Variants in MOXD1 observed in about 807,000 individuals in gnomAD.
The protein encoded by MOXD1 is DBH-like monooxygenase protein 1.
In MOXD1, 62 loss-of-function variants were observed where a neutral mutation model predicts 66.6. That is an observed-to-expected ratio of 0.93 (90% CI 0.76 to 1.15). The LOEUF (loss-of-function observed/expected upper bound fraction) is 1.15. Ranked by LOEUF, MOXD1 falls within the 50% of genes most tolerant of loss-of-function variation. The pLI, the probability that MOXD1 is intolerant of heterozygous loss-of-function variation, is 0.00. For missense variants in MOXD1, 847 were observed against 754.6 expected (o/e 1.12, Z -1.44); for synonymous variants, 303 against 281.9 (o/e 1.07, Z -0.75).
At position 132,322,716 on chromosome 6, in the gene MOXD1, T is replaced by C. The variant is rs1775101614; in HGVS notation, c.1268A>G (p.Glu423Gly). 1.2e-6 allele frequency: 2 copies of C among 1,614,000 alleles called. No individual in the cohort carries two copies. The highest frequency in any genetic ancestry group is 1.7e-6 in the Non-Finnish European group (2 of 1,179,952). The change falls in exon 8 of 12, where the codon GAG becomes GGG. Residue 423 changes from glutamate (E) to glycine (G), a missense_variant. By Grantham distance (98) the Glu-to-Gly change is moderately conservative. Transcript: ENST00000367963. ...TTGTTCTTCCTTTAGATACTGAAAC[T>C]CCTGGAAATTGAAGTCAAAATCATC... is the stretch of plus-strand genomic sequence containing the variant. ...YDDDFDFNFQ[E>G]FQYLKEEQTI... is the part of the protein sequence containing the mutation.
chr6:132,382,545 T>C lies in MOXD1; in HGVS notation c.265-7768A>G, dbSNP rs560169535. 5.9e-5 allele frequency among the ~76,000 whole-genome samples: 9 copies of C among 152,304 alleles called. No individual in the cohort carries two copies. The South Asian group carries it at 1.9e-3, about 32-fold the overall frequency. ...TGTATTTAGCTTGTTTATACATTTT[T>C]AGATAAAAATTACTTGTTACACCTG... On this transcript the variant is annotated intron_variant, in intron 1 of 11. Transcript: ENST00000367963.
intron 4 of MOXD1, among the ~76,000 whole-genome samples, chr6:132,346,484 T>C (rs1582585604): frequency 6.6e-6 from 1 of 152,174 alleles, no homozygotes; most frequent in African/African-American, 2.4e-5. Context: ...CTGAGCATAG[T>C]CTAAAGGCTA....
At chr6:132,397,634 GACAGAAAGAAAGAAAGAA>G (rs1368620788) in intron 1 of MOXD1, among the ~76,000 whole-genome samples, 337 of 115,730 alleles carry the variant, frequency 2.9e-3, no homozygotes, top group Non-Finnish European at 4.5e-3. Flanking sequence ...GAGAGAGAGA[GACAGAAAGAAAGAAAGAA>G]AGAAAGAAAG....
chr6:132,320,554 A>T, intron 9 of MOXD1, 75 bp downstream of exon 9: 1 of 1,272,838 alleles, frequency 7.9e-7, no homozygotes, highest in Non-Finnish European at 1.1e-6. Flanking sequence ...AATGGTTTTT[A>T]CCTTTTTCTT....
intron 4 of MOXD1, among the ~76,000 whole-genome samples, chr6:132,349,860 T>G (rs964320246): frequency 6.6e-6 from 1 of 152,198 alleles, no homozygotes; most frequent in African/African-American, 2.4e-5. Context: ...GATTTGCACT[T>G]CCCTGATCAT....
chr6:132,354,300 C>G (rs548811481), intron 4 of MOXD1, among the ~76,000 whole-genome samples: 1 of 152,306 alleles, frequency 6.6e-6, no homozygotes, highest in East Asian at 1.9e-4. Context: ...GAGGAAAAGT[C>G]TACGGGTGAA....
Position 132,392,367 on chromosome 6 carries a change from G to T in MOXD1, c.264+8796C>A, listed in dbSNP as rs911239354. 8.5e-6 allele frequency: 13 copies of T among 1,523,090 alleles called. No homozygotes were observed. The African/African-American group carries it at 1.7e-4, about 20-fold the overall frequency. The allele number at this position is 1,523,090 out of a possible 1,614,324, so 94.3% of individuals were successfully genotyped here. A position where few individuals can be genotyped will look rare whatever the true frequency, so the allele number is the denominator to read the frequency against. Reference sequence around the variant, plus strand: ...CGATTTATACCCCCATAAGAAGGGTGAATCAATTTTCATGCAAATTCAACA... The same window carrying T: ...CGATTTATACCCCCATAAGAAGGGTTAATCAATTTTCATGCAAATTCAACA... On this transcript the variant is annotated intron_variant, in intron 1 of 11. Coordinates refer to ENST00000367963, the MANE Select transcript of MOXD1 (RefSeq NM_015529.4).
intron 4 of MOXD1, among the ~76,000 whole-genome samples, chr6:132,353,117 G>A (rs1415993898): frequency 6.6e-6 from 1 of 152,176 alleles, no homozygotes; most frequent in Non-Finnish European, 1.5e-5. Context: ...CTTTTAAGTG[G>A]AGCACTTAGG....
intron 9 of MOXD1, 50 bp from the exon 10 acceptor site, chr6:132,315,827 C>T (rs184824017): frequency 8.3e-6 from 13 of 1,561,086 alleles, no homozygotes; most frequent in Non-Finnish European, 1.1e-5. Flanking sequence ...CCAACTTTGA[C>T]ATTTAAAGCA....
chr6:132,395,193 C>T (rs552398307), intron 1 of MOXD1, among the ~76,000 whole-genome samples: 1 of 152,118 alleles, frequency 6.6e-6, no homozygotes, highest in East Asian at 1.9e-4. Flanking sequence ...GGATACCATA[C>T]CCAGAAAAGT....
At chr6:132,331,618 T>C (rs952527537) in intron 4 of MOXD1, among the ~76,000 whole-genome samples, 1 of 152,188 alleles carries the variant, frequency 6.6e-6, no homozygotes, top group Non-Finnish European at 1.5e-5. Flanking sequence ...TAGCCACATA[T>C]GAATCATTCT....
intron 7 of MOXD1, 128 bp downstream of exon 7, chr6:132,323,803 G>A (rs1775129116): frequency 6.8e-6 from 7 of 1,024,456 alleles, no homozygotes; most frequent in East Asian, 2.8e-5. Context: ...CTAAAATTGC[G>A]ATAAGGGTTT....
Position 132,372,827 on chromosome 6 carries a change from T to TA in MOXD1, c.579+2dup. ...TACAATCATAAAACCTGAAAACACT[T>TA]ACGTCCTGATTTACCAGATCAAAGT... On this transcript the variant is annotated splice_region_variant and intron_variant, in intron 3 of 11. Transcript: ENST00000367963. 1.2e-6 allele frequency: 2 copies of TA among 1,613,622 alleles called. No homozygotes were observed. Among genetic ancestry groups the TA allele is most frequent in the Non-Finnish European group, 8.5e-7 (1 of 1,179,652 alleles).
intron 10 of MOXD1, among the ~76,000 whole-genome samples, chr6:132,298,963 A>G (rs1233084200): frequency 6.6e-6 from 1 of 152,150 alleles, no homozygotes; most frequent in Non-Finnish European, 1.5e-5. Context: ...CAAAAAGACC[A>G]CATGCATTTG....
chr6:132,310,853 G>C (rs558331157), intron 10 of MOXD1, among the ~76,000 whole-genome samples: 1 of 152,244 alleles, frequency 6.6e-6, no homozygotes, highest in East Asian at 1.9e-4. Flanking sequence ...TTGGGGGATG[G>C]GGGGTGAAGG....
chr6:132,390,017 G>A (rs1478768409), intron 1 of MOXD1, among the ~76,000 whole-genome samples: 1 of 151,316 alleles, frequency 6.6e-6, no homozygotes, highest in African/African-American at 2.4e-5. Flanking sequence ...TATTGAAGAT[G>A]AGAAAGAATA....
chr6:132,296,981 G>A lies in MOXD1; in HGVS notation c.*172C>T. ...CATCAGATATTTCTAAGAAAGAGAA[G>A]AGAACCTGATTGATGTCTCTCATGT... On this transcript the variant is annotated 3_prime_UTR_variant, in exon 12 of 12. Coordinates refer to ENST00000367963, the MANE Select transcript of MOXD1 (RefSeq NM_015529.4). 1 of 556,384 alleles carries A rather than the reference G, an allele frequency of 1.8e-6. No homozygotes were observed. The highest frequency in any genetic ancestry group is 2.8e-5 in the East Asian group (1 of 35,092). 34.5% of individuals were successfully genotyped at this position (556,384 alleles called of 1,614,324 possible).
chr6:132,349,378 C>CGTGTATATATATATACACATATATATAT (rs1775736859), intron 4 of MOXD1, among the ~76,000 whole-genome samples: 1 of 64,636 alleles, frequency 1.5e-5, no homozygotes, highest in Admixed American at 1.6e-4. Flanking sequence ...TATATATATA[C>CGTGTATATATATATACACATATATATAT]ATGTATATAT....
rs185829129 is a variant in MOXD1 at position 132,339,835 on chromosome 6, G to A, written c.664-11241C>T. Reference sequence around the variant, plus strand: ...AGCCTAAGGATGAAGATAATACAATGTTAAGGGCAAGCTCAAAATGAAGCT... The same window carrying A: ...AGCCTAAGGATGAAGATAATACAATATTAAGGGCAAGCTCAAAATGAAGCT... On this transcript the variant is annotated intron_variant, in intron 4 of 11. Coordinates refer to ENST00000367963, the MANE Select transcript of MOXD1 (RefSeq NM_015529.4). Among the ~76,000 whole-genome samples, 581 of 148,846 alleles carry A rather than the reference G, an allele frequency of 3.9e-3. 3 individuals are homozygous for A. Among genetic ancestry groups the A allele is most frequent in the Middle Eastern group, 0.028 (8 of 282 alleles).
Sources: allele counts gnomAD v4.1 joint callset (sites outside exome capture counted in the v4.1 genomes callset), GRCh38; gene constraint gnomAD v4.1.1; transcripts MANE v1.5; gene names NCBI Gene and HGNC (gene_info 2026-07-23, HGNC 2026-07-21).